The following MTMR8 variants were observed in gnomAD, a reference collection of about 807,000 sequenced individuals.
MTMR8 encodes the protein phosphatidylinositol-3,5-bisphosphate 3-phosphatase MTMR8.
MTMR8 carries 65 observed loss-of-function variants against 39.3 expected under a neutral mutation model. The observed-to-expected ratio is 1.65, with a 90% confidence interval of 1.35 to 2.03. The LOEUF (loss-of-function observed/expected upper bound fraction) is 2.03, where lower values mean the gene tolerates loss of function less well. MTMR8 is among the 30% of genes most tolerant of loss of function. The pLI is 0.00. For missense variants in MTMR8, 777 were observed against 538.9 expected (o/e 1.44, Z -4.37); for synonymous variants, 245 against 185.2 (o/e 1.32, Z -2.62).
At chrX:64,271,224 G>A (rs1931753335) in intron 12 of MTMR8, 151 bp from the exon 13 acceptor site, 2 of 525,118 alleles carry the variant, frequency 3.8e-6, no homozygotes, top group Non-Finnish European at 5.6e-6. Context: ...GCCTGGACAT[G>A]CTCATAATTG....
intron 6 of MTMR8, among the ~76,000 whole-genome samples, chrX:64,345,804 G>A (rs1248537618): frequency 9.0e-6 from 1 of 111,276 alleles, no homozygotes; most frequent in South Asian, 3.8e-4. Flanking sequence ...AATGTTTTTT[G>A]TAAAGACAGT....
intron 11 of MTMR8, 118 bp from the exon 12 acceptor site, chrX:64,329,018 C>T (rs764448246): frequency 4.2e-5 from 27 of 640,807 alleles, no homozygotes; most frequent in East Asian, 8.3e-5. Context: ...CAAGAAAGGA[C>T]GACAGGATAT....
At chrX:64,388,649 C>A (rs1346992024) in intron 1 of MTMR8, among the ~76,000 whole-genome samples, 1 of 112,160 alleles carries the variant, frequency 8.9e-6, no homozygotes, top group African/African-American at 3.2e-5. Flanking sequence ...TTAGAAGGAA[C>A]CTTCCAGATT....
At chrX:64,357,665 C>T (rs1015894709) in intron 2 of MTMR8, among the ~76,000 whole-genome samples, 2 of 111,442 alleles carry the variant, frequency 1.8e-5, no homozygotes, top group Admixed American at 9.6e-5. Flanking sequence ...TGGCTTCAAG[C>T]GATCCTTCTT....
intron 1 of MTMR8, among the ~76,000 whole-genome samples, chrX:64,365,053 G>A (rs1190992224): frequency 9.0e-6 from 1 of 111,524 alleles, no homozygotes; most frequent in Non-Finnish European, 1.9e-5. Flanking sequence ...GAGAAGAGAA[G>A]TTTAGAGACA....
chrX:64,342,711 G>T (rs1923251389), intron 8 of MTMR8, among the ~76,000 whole-genome samples: 1 of 111,809 alleles, frequency 8.9e-6, no homozygotes, highest in Non-Finnish European at 1.9e-5. Flanking sequence ...AAGCATTAGG[G>T]CTTGGATATT....
intron 12 of MTMR8, among the ~76,000 whole-genome samples, chrX:64,300,873 A>T (rs2147200410): frequency 9.1e-6 from 1 of 110,441 alleles, no homozygotes; most frequent in South Asian, 4.0e-4. Context: ...TGGGTTGAAA[A>T]TTCTTTCCTT....
At chrX:64,314,256 G>T (rs1052959023) in intron 12 of MTMR8, among the ~76,000 whole-genome samples, 1 of 113,094 alleles carries the variant, frequency 8.8e-6, no homozygotes, top group African/African-American at 3.2e-5. Flanking sequence ...TTGTTTGCAT[G>T]TGTCAGCAGT....
chrX:64,330,799 T>C (rs1922919353), intron 11 of MTMR8, among the ~76,000 whole-genome samples: 1 of 111,892 alleles, frequency 8.9e-6, no homozygotes, highest in Non-Finnish European at 1.9e-5. Context: ...CTCTAGCTGT[T>C]TATTATCATG....
chrX:64,307,346 G>C (rs1416139081), intron 12 of MTMR8, among the ~76,000 whole-genome samples: 1 of 111,984 alleles, frequency 8.9e-6, no homozygotes, highest in African/African-American at 3.2e-5. Flanking sequence ...AAGATTTATA[G>C]TTTGAGCATT....
At chrX:64,277,492 C>T (rs985472036) in intron 12 of MTMR8, among the ~76,000 whole-genome samples, 5 of 111,640 alleles carry the variant, frequency 4.5e-5, no homozygotes, top group Non-Finnish European at 9.4e-5. Flanking sequence ...TTTATTTCTC[C>T]TTCACTTATG....
chrX:64,370,185 A>C (rs1345124460), intron 1 of MTMR8, among the ~76,000 whole-genome samples: 1 of 111,099 alleles, frequency 9.0e-6, no homozygotes, highest in African/African-American at 3.3e-5. Context: ...GAAAAATAGA[A>C]CAAAACAAAC....
chrX:64,312,362 A>C (rs1282725280), intron 12 of MTMR8, among the ~76,000 whole-genome samples: 1 of 111,745 alleles, frequency 8.9e-6, no homozygotes, highest in Non-Finnish European at 1.9e-5. Flanking sequence ...TTGCATCCTG[A>C]GACTTTGCTG....
At chrX:64,317,920 G>A (rs1047325871) in intron 12 of MTMR8, among the ~76,000 whole-genome samples, 17 of 112,213 alleles carry the variant, frequency 1.5e-4, no homozygotes, top group African/African-American at 5.5e-4. Flanking sequence ...TAGAAGTGGG[G>A]ATTCAGGCCC....
chrX:64,377,597 C>T (rs1372334401), intron 1 of MTMR8, among the ~76,000 whole-genome samples: 1 of 112,440 alleles, frequency 8.9e-6, no homozygotes, highest in African/African-American at 3.2e-5. Flanking sequence ...ATGCCTGTAC[C>T]TCTATTGTAT....
intron 12 of MTMR8, among the ~76,000 whole-genome samples, chrX:64,297,200 G>A (rs1177118017): frequency 6.6e-4 from 58 of 87,591 alleles, no homozygotes; most frequent in African/African-American, 2.3e-3. Context: ...CCCACCAACA[G>A]TGTAAAAGTG....
chrX:64,326,959 G>A (rs80095797), intron 12 of MTMR8, among the ~76,000 whole-genome samples: 1 of 108,092 alleles, frequency 9.3e-6, no homozygotes. Flanking sequence ...AAATGGTGCT[G>A]AAAAAAAAAT....
At chrX:64,313,552 G>A (rs1349512607) in intron 12 of MTMR8, among the ~76,000 whole-genome samples, 1 of 112,609 alleles carries the variant, frequency 8.9e-6, no homozygotes, top group East Asian at 2.8e-4. Flanking sequence ...TGGTGCAAGA[G>A]CCCTAGCTTT....
intron 1 of MTMR8, chrX:64,360,390 C>CAAAA: frequency 1.6e-5 from 3 of 191,130 alleles, no homozygotes; most frequent in Non-Finnish European, 2.8e-5. Context: ...TCAAGCAGAC[C>CAAAA]AAAAAAAAAA....
Sources: gnomAD v4.1 joint callset for allele counts (sites outside exome capture counted in the v4.1 genomes callset) on GRCh38, gnomAD v4.1.1 for gene constraint, MANE v1.5 for transcripts, NCBI Gene and HGNC (gene_info 2026-07-23, HGNC 2026-07-21) for gene names.